PARD3: variants seen among roughly 807,000 people sequenced by gnomAD.
PARD3 encodes partitioning defective 3 homolog.
PARD3 carries 75 observed loss-of-function variants against 155.4 expected under a neutral mutation model. The ratio of observed to expected loss-of-function variants is 0.48; its 90% CI spans 0.40 to 0.58. The LOEUF is 0.58. PARD3 is among the 20% of genes least tolerant of loss of function. The pLI is 0.00. For missense variants in PARD3, 1,642 were observed against 1,721.7 expected (o/e 0.95, Z 0.82); for synonymous variants, 576 against 610.5 (o/e 0.94, Z 0.83).
At chr10:34,487,768 C>T (rs1315983818) in intron 3 of PARD3, among the ~76,000 whole-genome samples, 3 of 151,986 alleles carry the variant, frequency 2.0e-5, no homozygotes, top group Non-Finnish European at 4.4e-5. Context: ...GGTATATCTG[C>T]ACCAAATTCC....
intron 2 of PARD3, among the ~76,000 whole-genome samples, chr10:34,606,015 T>G (rs960090991): frequency 8.0e-6 from 1 of 124,932 alleles, no homozygotes; most frequent in Non-Finnish European, 1.6e-5. Context: ...ATATATCTCC[T>G]ATATCTATAT....
intron 22 of PARD3, among the ~76,000 whole-genome samples, chr10:34,165,318 A>G (rs1949478164): frequency 6.6e-6 from 1 of 152,056 alleles, no homozygotes; most frequent in African/African-American, 2.4e-5. Context: ...CAGCTTCTTC[A>G]CTTCCCTTTT....
intron 20 of PARD3, among the ~76,000 whole-genome samples, chr10:34,314,631 G>A (rs1306259464): frequency 1.3e-5 from 2 of 152,152 alleles, no homozygotes; most frequent in African/African-American, 4.8e-5. Context: ...ACTTCCTGGT[G>A]TAAACACTGC....
chr10:34,192,809 G>C (rs1404299401), intron 22 of PARD3, among the ~76,000 whole-genome samples: 1 of 152,110 alleles, frequency 6.6e-6, no homozygotes, highest in African/African-American at 2.4e-5. Context: ...TGAAATCCAA[G>C]TACCACGTGC....
intron 15 of PARD3, chr10:34,344,626 T>C (rs1219460144): frequency 1.9e-5 from 19 of 985,230 alleles, no homozygotes; most frequent in Non-Finnish European, 2.2e-5. Flanking sequence ...GACCAACCAT[T>C]AGAAAAATGT....
At chr10:34,703,528 C>A (rs1467663214) in intron 1 of PARD3, among the ~76,000 whole-genome samples, 6 of 151,028 alleles carry the variant, frequency 4.0e-5, no homozygotes, top group African/African-American at 1.5e-4. Flanking sequence ...GTAAGTCAAG[C>A]AACTTGAATA....
chr10:34,184,411 C>G (rs934063209), intron 22 of PARD3, among the ~76,000 whole-genome samples: 1 of 152,160 alleles, frequency 6.6e-6, no homozygotes, highest in African/African-American at 2.4e-5. Flanking sequence ...ATCACTTGCC[C>G]TCCTTCGTGA....
intron 1 of PARD3, among the ~76,000 whole-genome samples, chr10:34,769,468 T>C (rs915257395): frequency 6.6e-6 from 1 of 151,558 alleles, no homozygotes; most frequent in African/African-American, 2.4e-5. Flanking sequence ...AAATCATTAC[T>C]GTAATTTTTT....
At chr10:34,577,219 T>C (rs1368714399) in intron 2 of PARD3, among the ~76,000 whole-genome samples, 1 of 152,176 alleles carries the variant, frequency 6.6e-6, no homozygotes, top group Admixed American at 6.5e-5. Context: ...AACTCAAGCC[T>C]ACATATGAAG....
rs187491754 is a variant in PARD3, at chr10:34,256,640, T to C, written c.3419+13017A>G. 1.4e-3 allele frequency among the ~76,000 whole-genome samples: 210 copies of C among 152,316 alleles called. 1 individual carries two copies. Among genetic ancestry groups the C allele is most frequent in the African/African-American group, 4.8e-3 (200 of 41,572 alleles). On this transcript the variant is annotated intron_variant, in intron 22 of 24. Transcript: ENST00000374788. ...AGCATTTTGTTTTAGGAACAAATAT[T>C]TTCAAATCCCTGTATTCTCAAAGAG...
intron 2 of PARD3, among the ~76,000 whole-genome samples, chr10:34,580,505 A>G (rs2087343622): frequency 6.6e-6 from 1 of 152,230 alleles, no homozygotes; most frequent in South Asian, 2.1e-4. Context: ...ATTGCAGTCC[A>G]GCTAGGTGAC....
At chr10:34,415,135 C>G (rs1175985291) in intron 5 of PARD3, among the ~76,000 whole-genome samples, 3 of 152,098 alleles carry the variant, frequency 2.0e-5, no homozygotes, top group Admixed American at 2.0e-4. Flanking sequence ...AATCAGAGAG[C>G]CAGGAGCGTG....
intron 1 of PARD3, among the ~76,000 whole-genome samples, chr10:34,779,770 T>C (rs551368848): frequency 6.6e-6 from 1 of 152,342 alleles, no homozygotes; most frequent in South Asian, 2.1e-4. Flanking sequence ...AGCTAGAACA[T>C]TTCAATAGCA....
chr10:34,656,560 A>G (rs2093171844), intron 2 of PARD3, among the ~76,000 whole-genome samples: 1 of 152,222 alleles, frequency 6.6e-6, no homozygotes, highest in African/African-American at 2.4e-5. Context: ...TTCAATACAA[A>G]AGAACCAATC....
chr10:34,586,207 A>G (rs2088027924), intron 2 of PARD3, among the ~76,000 whole-genome samples: 2 of 152,230 alleles, frequency 1.3e-5, no homozygotes, highest in South Asian at 4.1e-4. Context: ...CCAAGAATAT[A>G]AAAGAAGTAA....
At chr10:34,634,479 C>G (rs1230359536) in intron 2 of PARD3, among the ~76,000 whole-genome samples, 1 of 152,182 alleles carries the variant, frequency 6.6e-6, no homozygotes, top group African/African-American at 2.4e-5. Context: ...TTACACACTT[C>G]TCCATTTTCT....
chr10:34,382,756 T>A lies in PARD3; in HGVS notation c.1183A>T (p.Asn395Tyr). The A allele has an allele frequency of 6.2e-7, 1 of 1,614,192 alleles. No individual in the cohort carries two copies. The highest frequency in any genetic ancestry group is 8.5e-7 in the Non-Finnish European group (1 of 1,180,030). The change falls in exon 9 of 25, where the codon AAC (asparagine) becomes TAC (tyrosine). Residue 395 changes from asparagine (N) to tyrosine (Y), a missense_variant. By Grantham distance (143) the Asn-to-Tyr change is moderately radical. Transcript: ENST00000374788. ...DSQYIDNRSV[N>Y]SAGLHTVQRA... is the part of the protein sequence containing the mutation. The stretch of plus-strand genomic sequence containing the variant: ...TGCACCGTGTGAAGCCCTGCACTGT[T>A]CACACTCCTGTTGTCAATATACTGG...
At chr10:34,693,287 G>A (rs565358802) in intron 2 of PARD3, among the ~76,000 whole-genome samples, 1 of 152,260 alleles carries the variant, frequency 6.6e-6, no homozygotes, top group South Asian at 2.1e-4. Context: ...CTGCCATAAA[G>A]ACACATGCAC....
intron 3 of PARD3, among the ~76,000 whole-genome samples, chr10:34,474,619 T>C (rs2078586421): frequency 6.6e-6 from 1 of 152,206 alleles, no homozygotes; most frequent in African/African-American, 2.4e-5. Flanking sequence ...TGGAAAAACA[T>C]GCGACCCACG....
Sources: gnomAD v4.1 joint callset for allele counts (sites outside exome capture counted in the v4.1 genomes callset) on GRCh38, gnomAD v4.1.1 for gene constraint, MANE v1.5 for transcripts, NCBI Gene and HGNC (gene_info 2026-07-23, HGNC 2026-07-21) for gene names.